The following PPP2R3A variants were observed in gnomAD, a reference collection of about 807,000 sequenced individuals.
PPP2R3A encodes the protein serine/threonine-protein phosphatase 2A regulatory subunit B'' subunit alpha.
In PPP2R3A, 80 loss-of-function variants were observed where a neutral mutation model predicts 106.9. That is an observed-to-expected ratio of 0.75 (90% confidence interval 0.62 to 0.90). The LOEUF is 0.90. PPP2R3A is among the 40% of genes least tolerant of loss of function. The probability of loss-of-function intolerance (pLI) is 0.00; values close to 1 mark genes in which losing one functional copy is unlikely to be tolerated. For missense variants in PPP2R3A, 1,386 were observed against 1,350.4 expected, an observed-to-expected ratio of 1.03 and a Z score of -0.41; for synonymous variants, 483 against 468.3, an observed-to-expected ratio of 1.03 and a Z score of -0.41.
chr3:135,990,971 A>G (rs1240545999), intron 1 of PPP2R3A, among the ~76,000 whole-genome samples: 1 of 152,104 alleles, frequency 6.6e-6, no homozygotes, highest in African/African-American at 2.4e-5. Flanking sequence ...CCTGTCTTCA[A>G]ACTTGAGACT....
chr3:136,146,033 CT>C lies in PPP2R3A; in HGVS notation c.*869del, dbSNP rs1454922275. 8.5e-5 allele frequency: 13 copies of C among 152,092 alleles called. No individual in the cohort carries two copies. Among genetic ancestry groups the C allele is most frequent in the Admixed American group, 8.5e-4 (13 of 15,256 alleles). 9.4% of individuals were successfully genotyped at this position (152,092 alleles called of 1,614,324 possible). ...AAAGGAATAATGATACATTAAAATT[CT>C]TACTAGATAGATATATTCCTTCCTC... On this transcript the variant is annotated 3_prime_UTR_variant, in exon 14 of 14. Coordinates refer to ENST00000264977, the MANE Select transcript of PPP2R3A (RefSeq NM_002718.5).
intron 4 of PPP2R3A, among the ~76,000 whole-genome samples, chr3:136,041,262 G>GTTTTTTTTTTTTTT (rs71157355): frequency 1.0e-5 from 1 of 96,592 alleles, no homozygotes; most frequent in African/African-American, 4.3e-5. Flanking sequence ...TTTTTTTTTT[G>GTTTTTTTTTTTTTT]TTTTTTTTTT....
At chr3:135,974,153 A>T (rs1937327273) in intron 1 of PPP2R3A, among the ~76,000 whole-genome samples, 1 of 152,020 alleles carries the variant, frequency 6.6e-6, no homozygotes, top group African/African-American at 2.4e-5. Context: ...CTCTCACCTT[A>T]TTGGAGGTTT....
rs1181304975 is a variant in PPP2R3A at position 136,140,703 on chromosome 3, G to A, written c.3330-4340G>A. Among the ~76,000 whole-genome samples, 8 of 147,174 alleles carry A rather than the reference G, an allele frequency of 5.4e-5. No individual in the cohort carries two copies. The South Asian group carries it at 1.1e-3, about 20-fold the overall frequency. ...GCAGAGTTTGCAGTGAGCCGAGATC[G>A]CGCCACTGCACTCCAGCCTGGGCAA... On this transcript the variant is annotated intron_variant, in intron 13 of 13. Transcript: ENST00000264977.
intron 3 of PPP2R3A, among the ~76,000 whole-genome samples, chr3:136,037,549 C>G (rs958662961): frequency 2.0e-5 from 3 of 152,212 alleles, no homozygotes; most frequent in Admixed American, 6.5e-5. Flanking sequence ...ATAGCACCAT[C>G]TTTACCCATC....
chr3:136,107,357 T>C (rs973580372), intron 13 of PPP2R3A, among the ~76,000 whole-genome samples: 1 of 151,532 alleles, frequency 6.6e-6, no homozygotes, highest in African/African-American at 2.4e-5. Flanking sequence ...ACAAGTGTCA[T>C]CATGTTCTTG....
At chr3:135,978,448 A>T (rs1937479561) in intron 1 of PPP2R3A, among the ~76,000 whole-genome samples, 1 of 151,524 alleles carries the variant, frequency 6.6e-6, no homozygotes, top group Non-Finnish European at 1.5e-5. Context: ...ATTCATTTTC[A>T]CCTTTGTATA....
At chr3:136,033,673 A>G (rs2107834476) in intron 3 of PPP2R3A, among the ~76,000 whole-genome samples, 1 of 152,156 alleles carries the variant, frequency 6.6e-6, no homozygotes, top group Non-Finnish European at 1.5e-5. Flanking sequence ...TATGTGTGTA[A>G]AGGTGTTCAT....
intron 10 of PPP2R3A, among the ~76,000 whole-genome samples, chr3:136,096,681 TTTAA>T (rs1937223220): frequency 6.6e-6 from 1 of 152,278 alleles, no homozygotes; most frequent in Non-Finnish European, 1.5e-5. Flanking sequence ...AGAATATACA[TTTAA>T]TTACTGCCTA....
intron 6 of PPP2R3A, among the ~76,000 whole-genome samples, chr3:136,076,281 C>T (rs1201710833): frequency 1.3e-5 from 2 of 152,166 alleles, no homozygotes; most frequent in African/African-American, 2.4e-5. Flanking sequence ...CTTCTTCTTC[C>T]GCCCAATAGC....
chr3:136,030,778 A>ATATATATATATATATATGTATATATG, intron 3 of PPP2R3A, among the ~76,000 whole-genome samples: 1 of 111,260 alleles, frequency 9.0e-6, no homozygotes, highest in Non-Finnish European at 2.0e-5. Flanking sequence ...ATATATATAT[A>ATATATATATATATATATGTATATATG]TATGTATGTA....
chr3:136,084,080 C>T (rs1467117923), intron 8 of PPP2R3A, among the ~76,000 whole-genome samples: 3 of 152,182 alleles, frequency 2.0e-5, no homozygotes, highest in East Asian at 3.9e-4. Flanking sequence ...GAGTCAAATG[C>T]TAATCACCAA....
intron 13 of PPP2R3A, among the ~76,000 whole-genome samples, chr3:136,137,629 C>T (rs1287693014): frequency 6.8e-6 from 1 of 146,926 alleles, no homozygotes; most frequent in Non-Finnish European, 1.5e-5. Flanking sequence ...GCAAGCTCCG[C>T]CTCCCAGGTT....
chr3:135,974,322 T>C (rs2107749791), intron 1 of PPP2R3A, among the ~76,000 whole-genome samples: 1 of 152,348 alleles, frequency 6.6e-6, no homozygotes, highest in East Asian at 1.9e-4. Context: ...AACTACATGC[T>C]GACTACCAAA....
At chr3:136,090,112 C>T (rs1307105071) in intron 9 of PPP2R3A, among the ~76,000 whole-genome samples, 1 of 152,132 alleles carries the variant, frequency 6.6e-6, no homozygotes, top group Non-Finnish European at 1.5e-5. Context: ...TGCTTGATTG[C>T]TCTGGCTAAG....
At chr3:135,970,416 A>G (rs1405727701) in intron 1 of PPP2R3A, among the ~76,000 whole-genome samples, 1 of 152,238 alleles carries the variant, frequency 6.6e-6, no homozygotes, top group Non-Finnish European at 1.5e-5. Flanking sequence ...AGGATTTTCA[A>G]GAGTAATTTA....
At chr3:136,132,316 GAAGATGTAA>G (rs1938459313) in intron 13 of PPP2R3A, among the ~76,000 whole-genome samples, 1 of 152,114 alleles carries the variant, frequency 6.6e-6, no homozygotes, top group Non-Finnish European at 1.5e-5. Context: ...GATTGGAAAG[GAAGATGTAA>G]AACTGTATAT....
intron 13 of PPP2R3A, among the ~76,000 whole-genome samples, chr3:136,139,152 C>A (rs1038083970): frequency 5.9e-5 from 9 of 152,162 alleles, no homozygotes; most frequent in African/African-American, 2.2e-4. Flanking sequence ...ACATAACTCC[C>A]AGACAACACC....
chr3:136,096,482 T>C (rs1241158633), intron 10 of PPP2R3A, among the ~76,000 whole-genome samples: 1 of 152,220 alleles, frequency 6.6e-6, no homozygotes, highest in African/African-American at 2.4e-5. Flanking sequence ...GACAAACTCT[T>C]GCAAACCCTC....
Sources: gnomAD v4.1 joint callset for allele counts (sites outside exome capture counted in the v4.1 genomes callset) on GRCh38, gnomAD v4.1.1 for gene constraint, MANE v1.5 for transcripts, NCBI Gene and HGNC (gene_info 2026-07-23, HGNC 2026-07-21) for gene names.